Variants in RHOBTB3 observed in about 807,000 individuals in gnomAD.
RHOBTB3 encodes rho-related BTB domain-containing protein 3.
In RHOBTB3, 47 loss-of-function variants were observed where a neutral mutation model predicts 67.2. The ratio of observed to expected loss-of-function variants is 0.70; its 90% CI spans 0.55 to 0.89. The LOEUF is 0.89. Among genes scored for constraint, RHOBTB3 ranks in the 40% least tolerant of loss-of-function variants. The pLI is 0.00. For missense variants in RHOBTB3, 631 were observed against 750.0 expected (o/e 0.84, Z 1.85); for synonymous variants, 273 against 274.2 (o/e 1.00, Z 0.04).
chr5:95,756,039 G>C (rs904548905), intron 6 of RHOBTB3: 2 of 356,002 alleles, frequency 5.6e-6, no homozygotes, highest in Non-Finnish European at 1.0e-5. Flanking sequence ...CCATTTTTAA[G>C]AACACAGTTC....
chr5:95,796,280 T>C lies in RHOBTB3; in HGVS notation c.*3106T>C. ...TTTGCAAAGAAGGGTATGTGTGTAT[T>C]TTAATATAGCCTGACCTGAATTTAT... On this transcript the variant is annotated 3_prime_UTR_variant, in exon 12 of 12. Coordinates refer to ENST00000379982, the MANE Select transcript of RHOBTB3 (RefSeq NM_014899.4). The C allele has an allele frequency of 6.6e-6, 1 of 152,378 alleles. No homozygotes were observed. Among genetic ancestry groups the C allele is most frequent in the Non-Finnish European group, 1.5e-5 (1 of 68,030 alleles). 9.4% of individuals were successfully genotyped at this position (152,378 alleles called of 1,614,324 possible).
At chr5:95,728,071 G>A (rs771146106), upstream of RHOBTB3, among the ~76,000 whole-genome samples, 13 of 152,208 alleles carry the variant, frequency 8.5e-5, no homozygotes, top group Non-Finnish European at 1.8e-4. Context: ...ATCATATTCC[G>A]TTGATGAGAA....
chr5:95,788,334 G>C (rs1746280285), intron 10 of RHOBTB3, among the ~76,000 whole-genome samples: 1 of 152,240 alleles, frequency 6.6e-6, no homozygotes, highest in South Asian at 2.1e-4. Flanking sequence ...GGCCGATGGT[G>C]TTTCCTCCTC....
chr5:95,764,721 T>C (rs1306578192), intron 7 of RHOBTB3, among the ~76,000 whole-genome samples: 1 of 152,214 alleles, frequency 6.6e-6, no homozygotes, highest in Non-Finnish European at 1.5e-5. Flanking sequence ...TATAGATGAC[T>C]TTTCTGTTTT....
At chr5:95,741,807 G>GTTTCTA (rs1297593742) in intron 3 of RHOBTB3, among the ~76,000 whole-genome samples, 1 of 151,934 alleles carries the variant, frequency 6.6e-6, no homozygotes. Flanking sequence ...AAATAGTGAT[G>GTTTCTA]TTTCTATCGT....
chr5:95,732,955 A>G (rs1175495149), intron 2 of RHOBTB3, among the ~76,000 whole-genome samples: 2 of 152,226 alleles, frequency 1.3e-5, no homozygotes, highest in African/African-American at 2.4e-5. Context: ...ATTTAATAAC[A>G]GAAGAAAGTT....
intron 3 of RHOBTB3, among the ~76,000 whole-genome samples, chr5:95,739,073 C>A (rs528767702): frequency 4.2e-4 from 64 of 152,160 alleles, no homozygotes; most frequent in Non-Finnish European, 7.8e-4. Flanking sequence ...TATATAAACA[C>A]CGATAACTGT....
chr5:95,793,124 G>A lies in RHOBTB3; in HGVS notation c.1786G>A (p.Glu596Lys). 1 of 1,613,494 alleles carries A rather than the reference G, an allele frequency of 6.2e-7. No homozygotes were observed. The highest frequency in any genetic ancestry group is 8.5e-7 in the Non-Finnish European group (1 of 1,179,762). ...PSNMYLKQLAEYRKYIHSRKC... is the reference protein window; with the variant it reads ...PSNMYLKQLAKYRKYIHSRKC... The stretch of plus-strand genomic sequence containing the variant: ...GAATATGTACTTGAAGCAGCTTGCG[G>A]AATACAGGAAGTATATTCACTCCCG... The change falls in exon 12 of 12, where the codon GAA becomes AAA. Residue 596 changes from glutamate to lysine, a missense_variant. By Grantham distance (56) the Glu-to-Lys change is moderately conservative. Transcript: ENST00000379982.
intron 3 of RHOBTB3, among the ~76,000 whole-genome samples, chr5:95,747,681 T>C (rs1357819234): frequency 6.6e-6 from 1 of 152,234 alleles, no homozygotes; most frequent in Non-Finnish European, 1.5e-5. Flanking sequence ...GAGTTAATCC[T>C]TTTTATTTCT....
chr5:95,737,221 T>G, intron 3 of RHOBTB3, 146 bp downstream of exon 3: 1 of 572,990 alleles, frequency 1.7e-6, no homozygotes, highest in Non-Finnish European at 3.0e-6. Context: ...GCTTCATCAT[T>G]TGATACGATA....
At chr5:95,778,923 C>T (rs190840245) in intron 8 of RHOBTB3, among the ~76,000 whole-genome samples, 1 of 152,326 alleles carries the variant, frequency 6.6e-6, no homozygotes, top group African/African-American at 2.4e-5. Flanking sequence ...CCCTGCTCCT[C>T]AGGTAGGTGT....
intron 6 of RHOBTB3, 73 bp downstream of exon 6, chr5:95,755,834 A>G: frequency 6.7e-7 from 1 of 1,496,774 alleles, no homozygotes; most frequent in Non-Finnish European, 9.1e-7. Context: ...GTGACACTCA[A>G]GGGTACTGGT....
chr5:95,783,671 T>G, intron 9 of RHOBTB3, 126 bp from the exon 10 acceptor site: 1 of 635,588 alleles, frequency 1.6e-6, no homozygotes. Flanking sequence ...CTAACCATTC[T>G]ATTCTATGGT....
chr5:95,740,099 AT>A (rs1755557334), intron 3 of RHOBTB3, among the ~76,000 whole-genome samples: 1 of 152,172 alleles, frequency 6.6e-6, no homozygotes, highest in Admixed American at 6.5e-5. Context: ...TGATGGTTTT[AT>A]AAAAGGGCAG....
At chr5:95,769,270 G>T in intron 8 of RHOBTB3, 1 of 409,400 alleles carries the variant, frequency 2.4e-6, no homozygotes, top group Non-Finnish European at 4.8e-6. Context: ...TAAAAATATT[G>T]GAGCTAAGCT....
At chr5:95,729,033 G>A (rs1232275212), upstream of RHOBTB3, among the ~76,000 whole-genome samples, 1 of 152,142 alleles carries the variant, frequency 6.6e-6, no homozygotes, top group Non-Finnish European at 1.5e-5. Context: ...TCAGTTCTGG[G>A]AAATGCCCAC....
rs749991099 is a variant in RHOBTB3, at chr5:95,763,611, A to G, written c.1152A>G (p.Thr384=). The change falls in exon 7 of 12, where the codon ACA becomes ACG. Residue 384 remains threonine (T), a synonymous_variant. Transcript: ENST00000379982. ...AGAAAGTTAAATGCATTTTAAAAAC[A>G]CCAGGAAAGGTAAGTTGATTTGTTG... ...VIEKVKCILK[T]PGKINCLRNC... 1 of 1,582,002 alleles carries G rather than the reference A, an allele frequency of 6.3e-7. No individual in the cohort carries two copies. Among genetic ancestry groups the G allele is most frequent in the South Asian group, 1.1e-5 (1 of 90,096 alleles).
chr5:95,739,822 G>A (rs1755548955), intron 3 of RHOBTB3, among the ~76,000 whole-genome samples: 1 of 152,186 alleles, frequency 6.6e-6, no homozygotes. Context: ...TGGGGTTACA[G>A]GCGTGAGCCA....
chr5:95,748,270 T>C (rs1443827778), intron 3 of RHOBTB3, 63 bp from the exon 4 acceptor site: 2 of 1,274,798 alleles, frequency 1.6e-6, no homozygotes, highest in African/African-American at 1.5e-5. Flanking sequence ...GTTCAGATTG[T>C]CTGTGTACCT....
Sources: allele counts gnomAD v4.1 joint callset (sites outside exome capture counted in the v4.1 genomes callset), GRCh38; gene constraint gnomAD v4.1.1; transcripts MANE v1.5; gene names NCBI Gene and HGNC (gene_info 2026-07-23, HGNC 2026-07-21).